SCAPER: variants seen among roughly 807,000 people sequenced by gnomAD.
SCAPER encodes S phase cyclin A-associated protein in the endoplasmic reticulum.
In SCAPER, 98 loss-of-function variants were observed where a neutral mutation model predicts 182.2. The ratio of observed to expected loss-of-function variants is 0.54; its 90% confidence interval spans 0.46 to 0.64. SCAPER has a LOEUF of 0.64. Among genes scored for constraint, SCAPER ranks in the 30% least tolerant of loss-of-function variants. The probability of loss-of-function intolerance (pLI) is 0.00; values close to 1 mark genes in which losing one functional copy is unlikely to be tolerated. For missense variants in SCAPER, 1,432 were observed against 1,690.0 expected (o/e 0.85, Z 2.68); for synonymous variants, 605 against 564.6 (o/e 1.07, Z -1.01).
At chr15:76,404,379 A>T in intron 27 of SCAPER, 145 bp downstream of exon 27, 2 of 750,620 alleles carry the variant, frequency 2.7e-6, no homozygotes, top group Non-Finnish European at 4.2e-6. Context: ...ACATCTCAAT[A>T]TAGAAAGCCA....
At chr15:76,355,960 T>C (rs1449598077) in intron 29 of SCAPER, among the ~76,000 whole-genome samples, 2 of 152,202 alleles carry the variant, frequency 1.3e-5, no homozygotes, top group South Asian at 2.1e-4. Flanking sequence ...TTGGTTACCA[T>C]TGGAGTTCTA....
chr15:76,814,412 T>C (rs1293586588), intron 5 of SCAPER, among the ~76,000 whole-genome samples: 1 of 152,106 alleles, frequency 6.6e-6, no homozygotes, highest in Admixed American at 6.5e-5. Context: ...CAGACAGACA[T>C]GAAGACCAAC....
At chr15:76,670,894 T>A (rs2056965793) in intron 20 of SCAPER, among the ~76,000 whole-genome samples, 1 of 152,202 alleles carries the variant, frequency 6.6e-6, no homozygotes, top group African/African-American at 2.4e-5. Context: ...AAATCATCTA[T>A]CTGTCCATTA....
intron 25 of SCAPER, among the ~76,000 whole-genome samples, chr15:76,451,480 T>C (rs2048363706): frequency 6.6e-6 from 1 of 152,220 alleles, no homozygotes; most frequent in Non-Finnish European, 1.5e-5. Flanking sequence ...AACTATATTG[T>C]CAAGGCTTAA....
intron 26 of SCAPER, among the ~76,000 whole-genome samples, chr15:76,405,060 G>A (rs558130636): frequency 6.7e-6 from 1 of 149,412 alleles, no homozygotes; most frequent in Non-Finnish European, 1.5e-5. Flanking sequence ...CAAGGATTTA[G>A]AAGATACAGT....
In SCAPER at chr15:76,857,799, G is replaced by C. The variant is rs1323640484; in HGVS notation, c.195+10C>G. The stretch of plus-strand genomic sequence containing the variant: ...AAAGTAAATAAGTAAAAAAGTTATA[G>C]ATGCTGTACCTGTTTAGTAGTTTTA... On this transcript the variant is annotated intron_variant, in intron 4 of 31. Transcript: ENST00000563290. The C allele has an allele frequency of 6.7e-7, 1 of 1,486,104 alleles. No homozygotes were observed. Among genetic ancestry groups the C allele is most frequent in the African/African-American group, 1.4e-5 (1 of 70,940 alleles). The allele number at this position is 1,486,104 out of a possible 1,614,324, so 92.1% of individuals were successfully genotyped here. A position where few individuals can be genotyped will look rare whatever the true frequency, so the allele number is the denominator to read the frequency against.
intron 21 of SCAPER, among the ~76,000 whole-genome samples, chr15:76,639,990 CT>C (rs1278311795): frequency 6.6e-6 from 1 of 152,082 alleles, no homozygotes; most frequent in African/African-American, 2.4e-5. Flanking sequence ...ATACATAGGC[CT>C]TGGGAATCTT....
chr15:76,362,113 C>T (rs2041462973), intron 29 of SCAPER, among the ~76,000 whole-genome samples: 1 of 151,972 alleles, frequency 6.6e-6, no homozygotes, highest in South Asian at 2.1e-4. Context: ...GCTGGGATTA[C>T]AGGCACCCAC....
At chr15:76,804,503 T>C (rs1404284438) in intron 6 of SCAPER, 30 bp downstream of exon 6, 5 of 1,427,792 alleles carry the variant, frequency 3.5e-6, no homozygotes, top group South Asian at 2.4e-5. Flanking sequence ...TGCTGGATGA[T>C]AGGAAGATTG....
chr15:76,434,682 T>C (rs284889), intron 25 of SCAPER, among the ~76,000 whole-genome samples: 149,075 of 152,330 alleles, frequency 0.98, 73,026 homozygotes, highest in East Asian at 1. Flanking sequence ...ACTCAGAAAA[T>C]AGATAAAATG....
intron 26 of SCAPER, among the ~76,000 whole-genome samples, chr15:76,423,117 G>A (rs1249293466): frequency 6.6e-6 from 1 of 152,156 alleles, no homozygotes; most frequent in Admixed American, 6.5e-5. Context: ...TTTGGTATCA[G>A]GATGATGCTG....
At chr15:76,445,021 T>A (rs1195100900) in intron 25 of SCAPER, among the ~76,000 whole-genome samples, 2 of 152,228 alleles carry the variant, frequency 1.3e-5, no homozygotes, top group African/African-American at 4.8e-5. Context: ...TCAAAGTGGT[T>A]TCTGGTCACA....
At chr15:76,750,860 T>C (rs2062045626) in intron 15 of SCAPER, among the ~76,000 whole-genome samples, 2 of 151,884 alleles carry the variant, frequency 1.3e-5, no homozygotes, top group Non-Finnish European at 3.0e-5. Flanking sequence ...TCACCACTTT[T>C]ATTTAAGGTA....
intron 23 of SCAPER, among the ~76,000 whole-genome samples, chr15:76,522,619 T>C (rs2042917055): frequency 6.6e-6 from 1 of 152,096 alleles, no homozygotes; most frequent in African/African-American, 2.4e-5. Context: ...AGTAAATAAG[T>C]ATTTCAACCA....
chr15:76,502,298 C>G (rs1463628155), intron 24 of SCAPER, among the ~76,000 whole-genome samples: 3 of 152,060 alleles, frequency 2.0e-5, no homozygotes, highest in Admixed American at 2.0e-4. Flanking sequence ...GAGGAATCGC[C>G]ACACTCTCTC....
At chr15:76,554,925 C>A (rs1010141214) in intron 23 of SCAPER, among the ~76,000 whole-genome samples, 1 of 151,890 alleles carries the variant, frequency 6.6e-6, no homozygotes, top group African/African-American at 2.4e-5. Flanking sequence ...GGATTACAGG[C>A]ACGTGCCAAC....
chr15:76,771,758 G>C lies in SCAPER; in HGVS notation c.1232C>G (p.Pro411Arg). The C allele has an allele frequency of 1.2e-6, 2 of 1,612,556 alleles. No individual in the cohort carries two copies. The highest frequency in any genetic ancestry group is 2.2e-5 in the South Asian group (2 of 91,032). ...AGCACTCACATTTGAAATATCTGAA[G>C]GGTCCATTTCATTTTCTATCCTTGC... is the stretch of plus-strand genomic sequence containing the variant. The part of the protein sequence containing the change: ...EKARIENEMD[P>R]SDISNSMAEV... The change falls in exon 10 of 32, where the codon CCT (proline) becomes CGT (arginine). Residue 411 changes from proline to arginine, a missense_variant. Pro to Arg is a moderately radical substitution (Grantham distance 103). Around this residue, in one of 5 missense-constraint regions of SCAPER, gnomAD observed 480 missense variants for 510.2 expected, o/e 0.94. Coordinates refer to ENST00000563290, the MANE Select transcript of SCAPER (RefSeq NM_020843.4).
chr15:76,849,441 A>AC (rs2070480626), intron 4 of SCAPER, among the ~76,000 whole-genome samples: 1 of 152,174 alleles, frequency 6.6e-6, no homozygotes, highest in East Asian at 1.9e-4. Context: ...CAGACAGGGA[A>AC]CCCCCAGCTT....
At chr15:76,466,846 A>AC (rs2049705006) in intron 25 of SCAPER, among the ~76,000 whole-genome samples, 1 of 152,006 alleles carries the variant, frequency 6.6e-6, no homozygotes, top group Non-Finnish European at 1.5e-5. Flanking sequence ...TCAAGTGATC[A>AC]TAATCTCTTC....
Sources: gnomAD v4.1 joint callset for allele counts (sites outside exome capture counted in the v4.1 genomes callset) on GRCh38, gnomAD v4.1.1 for gene constraint, gnomAD v4.1.1 regional missense constraint, MANE v1.5 for transcripts, NCBI Gene and HGNC (gene_info 2026-07-23, HGNC 2026-07-21) for gene names.